Variants in ZFPM2 observed in about 807,000 individuals in gnomAD.
The protein encoded by ZFPM2 is zinc finger protein, FOG family member 2.
In ZFPM2, 20 loss-of-function variants were observed where a neutral mutation model predicts 98.6. The observed-to-expected ratio is 0.20, with a 90% CI of 0.14 to 0.29. The LOEUF (loss-of-function observed/expected upper bound fraction) is 0.29, where lower values mean the gene tolerates loss of function less well. ZFPM2 is among the 10% of genes least tolerant of loss of function. The pLI is 1.00. For synonymous variants in ZFPM2, 518 were observed against 502.7 expected (o/e 1.03, Z -0.41); for missense variants, 1,310 against 1,388.6 (o/e 0.94, Z 0.90).
rs577511086 is a variant in ZFPM2 at position 105,766,343 on chromosome 8, A to G, written c.533-22375A>G. Among the ~76,000 whole-genome samples the G allele has an allele frequency of 5.9e-5, 9 of 152,020 alleles. No individual in the cohort carries two copies. The South Asian group carries it at 1.9e-3, about 32-fold the overall frequency. On this transcript the variant is annotated intron_variant, in intron 5 of 7. Transcript: ENST00000407775. ...TCTGTTTAGATCAGTTTGATTCCTCATAATCAAAAGTGATAGCTAGGATGA... is the reference window on the plus strand; with the variant it reads ...TCTGTTTAGATCAGTTTGATTCCTCGTAATCAAAAGTGATAGCTAGGATGA...
chr8:105,586,049 G>A (rs796837762), intron 4 of ZFPM2, among the ~76,000 whole-genome samples: 15 of 148,296 alleles, frequency 1.0e-4, no homozygotes, highest in African/African-American at 2.6e-4. Context: ...GTATGCACAC[G>A]TGCTTCTATG....
At chr8:105,581,654 A>G (rs766880685) in intron 4 of ZFPM2, among the ~76,000 whole-genome samples, 12 of 152,128 alleles carry the variant, frequency 7.9e-5, no homozygotes, top group African/African-American at 2.2e-4. Context: ...TAAAACGGCA[A>G]TTTTCCCCTT....
At chr8:105,330,635 T>TATATAC (rs1812215494) in intron 1 of ZFPM2, among the ~76,000 whole-genome samples, 10 of 91,934 alleles carry the variant, frequency 1.1e-4, no homozygotes, top group African/African-American at 4.0e-4. Context: ...TATATATACA[T>TATATAC]ATATATATAT....
chr8:105,500,639 G>T (rs1032116461), intron 3 of ZFPM2, among the ~76,000 whole-genome samples: 10 of 152,182 alleles, frequency 6.6e-5, no homozygotes, highest in South Asian at 4.1e-4. Context: ...TAAGTATATT[G>T]TAATGGAAAT....
At chr8:105,761,437 C>A (rs1812733033) in intron 5 of ZFPM2, among the ~76,000 whole-genome samples, 1 of 151,974 alleles carries the variant, frequency 6.6e-6, no homozygotes, top group Non-Finnish European at 1.5e-5. Context: ...GCAATGCTAA[C>A]CCATGAATTA....
intron 4 of ZFPM2, among the ~76,000 whole-genome samples, chr8:105,591,008 A>T (rs1176266805): frequency 6.6e-6 from 1 of 152,220 alleles, no homozygotes; most frequent in African/African-American, 2.4e-5. Flanking sequence ...GTGGGCAGAT[A>T]AGTTAGTGGG....
intron 5 of ZFPM2, among the ~76,000 whole-genome samples, chr8:105,690,163 T>C (rs529053795): frequency 6.6e-6 from 1 of 152,206 alleles, no homozygotes. Context: ...GTCTTCACTT[T>C]GATGTTTCCC....
At chr8:105,360,447 A>G (rs1812834567) in intron 1 of ZFPM2, among the ~76,000 whole-genome samples, 2 of 152,172 alleles carry the variant, frequency 1.3e-5, no homozygotes, top group Admixed American at 1.3e-4. Flanking sequence ...GCTTGTTTAA[A>G]AGAATGGGGA....
At chr8:105,540,521 T>A (rs1318297152) in intron 3 of ZFPM2, among the ~76,000 whole-genome samples, 4 of 152,122 alleles carry the variant, frequency 2.6e-5, no homozygotes, top group Non-Finnish European at 4.4e-5. Context: ...TTATCATCAA[T>A]AAATGACGTT....
At chr8:105,617,064 C>CCA (rs890769896) in intron 4 of ZFPM2, among the ~76,000 whole-genome samples, 1 of 69,182 alleles carries the variant, frequency 1.4e-5, no homozygotes, top group African/African-American at 5.0e-5. Context: ...AAAAAAAGAT[C>CCA]CACACCATAA....
intron 5 of ZFPM2, among the ~76,000 whole-genome samples, chr8:105,721,214 C>G (rs1019142212): frequency 6.6e-6 from 1 of 151,792 alleles, no homozygotes; most frequent in Non-Finnish European, 1.5e-5. Context: ...AATTTCACAT[C>G]CAGTGAATAC....
At chr8:105,764,508 A>G (rs1298162497) in intron 5 of ZFPM2, among the ~76,000 whole-genome samples, 1 of 151,672 alleles carries the variant, frequency 6.6e-6, no homozygotes, top group Non-Finnish European at 1.5e-5. Flanking sequence ...CACTGAATCA[A>G]TACTTTTATT....
At chr8:105,573,317 T>G (rs2130725583) in intron 4 of ZFPM2, among the ~76,000 whole-genome samples, 1 of 152,290 alleles carries the variant, frequency 6.6e-6, no homozygotes, top group East Asian at 1.9e-4. Context: ...AAGGGAATTG[T>G]GCAGAGCTTG....
Position 105,803,795 on chromosome 8 carries a change from A to ATATT in ZFPM2, c.*258_*261dup. The stretch of plus-strand genomic sequence containing the variant: ...ATGTTATTTTTTATTTAAAAACTTT[A>ATATT]TATTAAAGTCATTTGTAATGTTATT... On this transcript the variant is annotated 3_prime_UTR_variant, in exon 8 of 8. Transcript: ENST00000407775. 1 of 425,368 alleles carries ATATT rather than the reference A, an allele frequency of 2.4e-6. No individual in the cohort carries two copies. The highest frequency in any genetic ancestry group is 4.2e-6 in the Non-Finnish European group (1 of 235,682). 26.3% of individuals were successfully genotyped at this position (425,368 alleles called of 1,614,324 possible). A position where few individuals can be genotyped will look rare whatever the true frequency, so the allele number is the denominator to read the frequency against.
At chr8:105,413,020 G>A (rs1276925339) in intron 1 of ZFPM2, among the ~76,000 whole-genome samples, 1 of 151,836 alleles carries the variant, frequency 6.6e-6, no homozygotes, top group East Asian at 1.9e-4. Flanking sequence ...AAGAGAGGAG[G>A]GGAACGTTTT....
intron 3 of ZFPM2, among the ~76,000 whole-genome samples, chr8:105,476,937 C>G (rs1437944728): frequency 6.6e-6 from 1 of 151,952 alleles, no homozygotes; most frequent in African/African-American, 2.4e-5. Context: ...CTGAAGTATT[C>G]CAAAAGTCAG....
intron 1 of ZFPM2, among the ~76,000 whole-genome samples, chr8:105,376,273 T>C (rs894250493): frequency 2.0e-5 from 3 of 152,214 alleles, no homozygotes; most frequent in African/African-American, 7.2e-5. Flanking sequence ...TTTGAATGGC[T>C]ACTTCTCAGT....
intron 5 of ZFPM2, among the ~76,000 whole-genome samples, chr8:105,743,520 T>G (rs1812272338): frequency 6.6e-6 from 1 of 152,036 alleles, no homozygotes; most frequent in Admixed American, 6.6e-5. Context: ...TCCTGATCTC[T>G]TCACTCCTCT....
In ZFPM2 at chr8:105,647,499, G is replaced by C. The variant is rs9297366; in HGVS notation, c.532+13142G>C. On this transcript the variant is annotated intron_variant, in intron 5 of 7. Transcript: ENST00000407775. ...CCCATTAACTCATCATTTACATTAG[G>C]TATATCTCCTAATGCTATCCCTCCC... is the stretch of plus-strand genomic sequence containing the variant. Among the ~76,000 whole-genome samples, 233 of 150,112 alleles carry C rather than the reference G, an allele frequency of 1.6e-3. 3 individuals are homozygous for C. Among genetic ancestry groups the C allele is most frequent in the Non-Finnish European group, 2.5e-3 (166 of 67,606 alleles).
Sources: gnomAD v4.1 joint callset for allele counts (sites outside exome capture counted in the v4.1 genomes callset) on GRCh38, gnomAD v4.1.1 for gene constraint, MANE v1.5 for transcripts, NCBI Gene and HGNC (gene_info 2026-07-23, HGNC 2026-07-21) for gene names.